The following UQCC1 variants were observed in gnomAD, a reference collection of about 807,000 sequenced individuals.
UQCC1 encodes bFGF-repressed Zic-binding protein.
In UQCC1, 38 loss-of-function variants were observed where a neutral mutation model predicts 48.0. The observed-to-expected ratio is 0.79, with a 90% CI of 0.61 to 1.04. UQCC1 has a LOEUF of 1.04. UQCC1 is among the 50% of genes least tolerant of loss of function. The pLI, the probability that UQCC1 is intolerant of heterozygous loss-of-function variation, is 0.00. For missense variants in UQCC1, 368 were observed against 381.8 expected (o/e 0.96, Z 0.30); for synonymous variants, 111 against 129.2 (o/e 0.86, Z 0.95).
At chr20:35,358,056 T>C (rs1001368945) in intron 6 of UQCC1, among the ~76,000 whole-genome samples, 4 of 152,010 alleles carry the variant, frequency 2.6e-5, no homozygotes, top group African/African-American at 9.7e-5. Flanking sequence ...AAATAAAAAC[T>C]GCCCTTAAGA....
At chr20:35,332,664 C>A (rs1454098481) in intron 7 of UQCC1, among the ~76,000 whole-genome samples, 2 of 152,206 alleles carry the variant, frequency 1.3e-5, no homozygotes, top group Non-Finnish European at 2.9e-5. Flanking sequence ...CTCCCCACAC[C>A]AGACAGGTTA....
chr20:35,353,365 C>CA (rs1287749018), intron 6 of UQCC1, among the ~76,000 whole-genome samples: 1 of 148,318 alleles, frequency 6.7e-6, no homozygotes, highest in Non-Finnish European at 1.5e-5. Flanking sequence ...CACTGTACTC[C>CA]AGCCTGGGCA....
intron 1 of UQCC1, among the ~76,000 whole-genome samples, chr20:35,399,319 T>C (rs1348832474): frequency 6.6e-6 from 1 of 152,226 alleles, no homozygotes; most frequent in East Asian, 1.9e-4. Context: ...CTCAAAAGCT[T>C]GCAGTGGTTT....
intron 6 of UQCC1, among the ~76,000 whole-genome samples, chr20:35,365,450 A>AT (rs1239919385): frequency 6.6e-6 from 1 of 151,990 alleles, no homozygotes; most frequent in Non-Finnish European, 1.5e-5. Flanking sequence ...AGGTCAGGAG[A>AT]TTGAGACCAG....
At chr20:35,350,061 G>C (rs1044551325) in intron 6 of UQCC1, among the ~76,000 whole-genome samples, 1 of 152,134 alleles carries the variant, frequency 6.6e-6, no homozygotes, top group Non-Finnish European at 1.5e-5. Context: ...GCAGGCCATA[G>C]AGGGAGAAAG....
chr20:35,379,857 C>T (rs369640798), intron 4 of UQCC1, among the ~76,000 whole-genome samples: 3 of 151,930 alleles, frequency 2.0e-5, no homozygotes, highest in South Asian at 4.2e-4. Flanking sequence ...ATAGAAAGTA[C>T]ACACCATCAC....
chr20:35,351,447 G>T (rs2061489696), intron 6 of UQCC1, among the ~76,000 whole-genome samples: 1 of 148,320 alleles, frequency 6.7e-6, no homozygotes, highest in Non-Finnish European at 1.5e-5. Context: ...ACAGAAAAAA[G>T]ATTTGGCTAC....
chr20:35,410,307 G>A (rs1383775251), intron 1 of UQCC1, among the ~76,000 whole-genome samples: 1 of 151,918 alleles, frequency 6.6e-6, no homozygotes, highest in Non-Finnish European at 1.5e-5. Context: ...GCCGCAGGAG[G>A]CGGATCATGA....
At chr20:35,338,892 A>AT (rs57287275) in intron 7 of UQCC1, among the ~76,000 whole-genome samples, 10 of 30,572 alleles carry the variant, frequency 3.3e-4, no homozygotes, top group Admixed American at 4.4e-4. Context: ...AAAAAAAAAA[A>AT]ATATATATAT....
chr20:35,317,834 C>T (rs970753784), intron 7 of UQCC1, among the ~76,000 whole-genome samples: 4 of 152,216 alleles, frequency 2.6e-5, no homozygotes, highest in African/African-American at 9.7e-5. Context: ...TCTTCTTCTT[C>T]GCCTTTCTTT....
At chr20:35,354,362 A>T (rs2061521957) in intron 6 of UQCC1, among the ~76,000 whole-genome samples, 1 of 151,948 alleles carries the variant, frequency 6.6e-6, no homozygotes, top group Non-Finnish European at 1.5e-5. Flanking sequence ...GAAGACATGG[A>T]TTGACACCTG....
At position 35,383,945 on chromosome 20, in the gene UQCC1, G is replaced by A. The variant is rs1018154407; in HGVS notation, c.225+93C>T. On this transcript the variant is annotated intron_variant, in intron 3 of 9. Transcript: ENST00000374385. Reference sequence around the variant, plus strand: ...CCCCTGAGCCTCACCTTCTGCATTCGCTAAAACTCACCTAGCTAACAATTT... The same window carrying A: ...CCCCTGAGCCTCACCTTCTGCATTCACTAAAACTCACCTAGCTAACAATTT... 1.0e-5 allele frequency: 11 copies of A among 1,100,672 alleles called. No homozygotes were observed. The Admixed American group carries it at 1.0e-4, about 10-fold the overall frequency. 68.2% of individuals were successfully genotyped at this position (1,100,672 alleles called of 1,614,324 possible).
intron 7 of UQCC1, among the ~76,000 whole-genome samples, chr20:35,343,803 C>T (rs1382998325): frequency 3.3e-5 from 5 of 152,204 alleles, no homozygotes; most frequent in Non-Finnish European, 7.3e-5. Flanking sequence ...CACCTGGAAG[C>T]TTTTCAGAAC....
intron 1 of UQCC1, among the ~76,000 whole-genome samples, chr20:35,402,902 C>A (rs1188410818): frequency 6.6e-6 from 1 of 150,954 alleles, no homozygotes; most frequent in South Asian, 2.1e-4. Context: ...CCCATCTCTA[C>A]TAAAATACAA....
intron 1 of UQCC1, among the ~76,000 whole-genome samples, chr20:35,399,570 T>C (rs558512865): frequency 2.6e-5 from 4 of 152,192 alleles, no homozygotes; most frequent in African/African-American, 9.6e-5. Flanking sequence ...AAGAAATCTC[T>C]CTAGGCCGGG....
At chr20:35,408,604 G>A (rs889329527) in intron 1 of UQCC1, among the ~76,000 whole-genome samples, 1 of 151,910 alleles carries the variant, frequency 6.6e-6, no homozygotes, top group Non-Finnish European at 1.5e-5. Flanking sequence ...TGTAGTCCCA[G>A]CACTTTGGGA....
intron 7 of UQCC1, among the ~76,000 whole-genome samples, chr20:35,325,488 G>A (rs6120904): frequency 0.042 from 6,421 of 152,278 alleles, 195 homozygotes; most frequent in South Asian, 0.092. Flanking sequence ...GGTATCATGA[G>A]CTAACTGATG....
At chr20:35,327,344 T>C (rs2061206543) in intron 7 of UQCC1, among the ~76,000 whole-genome samples, 1 of 152,242 alleles carries the variant, frequency 6.6e-6, no homozygotes, top group Non-Finnish European at 1.5e-5. Flanking sequence ...TGCTCACTGT[T>C]CAGAGCTGTA....
chr20:35,390,286 G>A (rs982846820), intron 2 of UQCC1, among the ~76,000 whole-genome samples: 11 of 152,140 alleles, frequency 7.2e-5, no homozygotes, highest in South Asian at 2.1e-4. Context: ...TTAGCCAGGC[G>A]TGGTGGTGAG....
Sources: gnomAD v4.1 joint callset for allele counts (sites outside exome capture counted in the v4.1 genomes callset) on GRCh38, gnomAD v4.1.1 for gene constraint, MANE v1.5 for transcripts, NCBI Gene and HGNC (gene_info 2026-07-23, HGNC 2026-07-21) for gene names.